The following EGFL7 variants were observed in gnomAD, a reference collection of about 807,000 sequenced individuals.
EGFL7 encodes the protein EGF like domain multiple 7, also known as epidermal growth factor-like protein 7.
EGFL7 carries 48 observed loss-of-function variants against 37.1 expected under a neutral mutation model. The ratio of observed to expected loss-of-function variants is 1.29; its 90% CI spans 1.03 to 1.65. The LOEUF (loss-of-function observed/expected upper bound fraction) is 1.65, where lower values mean the gene tolerates loss of function less well. Among genes scored for constraint, EGFL7 ranks in the 40% most tolerant of loss-of-function variants. The pLI, the probability that EGFL7 is intolerant of heterozygous loss-of-function variation, is 0.00. For synonymous variants in EGFL7, 180 were observed against 156.8 expected, an observed-to-expected ratio of 1.15 and a Z score of -1.10; for missense variants, 384 against 378.9, an observed-to-expected ratio of 1.01 and a Z score of -0.11.
chr9:136,670,601 C>T, intron 8 of EGFL7: 1 of 775,400 alleles, frequency 1.3e-6, no homozygotes, highest in Non-Finnish European at 2.4e-6. Flanking sequence ...CGCCACGCCT[C>T]CGCTGGCGAC....
chr9:136,667,982 T>A (rs944999009), intron 3 of EGFL7, among the ~76,000 whole-genome samples: 4 of 152,136 alleles, frequency 2.6e-5, no homozygotes, highest in African/African-American at 9.7e-5. Flanking sequence ...ATCCACTCGA[T>A]TCCTGCACCA....
intron 3 of EGFL7, chr9:136,665,641 C>A (rs1845411223): frequency 1.3e-5 from 2 of 151,638 alleles, no homozygotes; most frequent in Admixed American, 6.6e-5. Context: ...AGAGTCACTG[C>A]CCGCCCGGGG....
At chr9:136,663,934 C>T (rs566060267) in intron 2 of EGFL7, among the ~76,000 whole-genome samples, 2 of 152,362 alleles carry the variant, frequency 1.3e-5, no homozygotes, top group East Asian at 1.9e-4. Flanking sequence ...TCTGCTCCAT[C>T]GCCTCTTCCA....
intron 5 of EGFL7, among the ~76,000 whole-genome samples, chr9:136,669,190 C>G (rs1308614560): frequency 6.6e-6 from 1 of 152,234 alleles, no homozygotes; most frequent in Non-Finnish European, 1.5e-5. Context: ...AGCTCCACCC[C>G]CTGCTGGGGG....
At chr9:136,667,360 A>G (rs1280535470) in intron 3 of EGFL7, among the ~76,000 whole-genome samples, 3 of 152,140 alleles carry the variant, frequency 2.0e-5, no homozygotes, top group Non-Finnish European at 2.9e-5. Flanking sequence ...CCTGGGTGGG[A>G]CCCTGCAGCA....
chr9:136,670,443 C>A, intron 8 of EGFL7, 113 bp downstream of exon 8: 1 of 1,301,902 alleles, frequency 7.7e-7, no homozygotes, highest in Non-Finnish European at 1.1e-6. Context: ...GCGGTGGGGA[C>A]TCCCTCTCCA....
chr9:136,668,655 G>T lies in EGFL7; in HGVS notation c.179G>T (p.Arg60Leu). 2 of 1,603,288 alleles carry T rather than the reference G, an allele frequency of 1.2e-6. No individual in the cohort carries two copies. Reference sequence around the variant, plus strand: ...TTCCTCACCACCTGCGACGGGCACCGGGCCTGCAGCACCTACCGGTGAGTG... The same window carrying T: ...TTCCTCACCACCTGCGACGGGCACCTGGCCTGCAGCACCTACCGGTGAGTG... ...QPFLTTCDGH[R>L]ACSTYRTIYR... The change falls in exon 5 of 11, where the codon CGG becomes CTG. Residue 60 changes from arginine to leucine, a missense_variant. Physicochemically the swap from Arg to Leu is moderately radical, Grantham distance 102. Coordinates refer to ENST00000308874, the MANE Select transcript of EGFL7 (RefSeq NM_016215.5).
At chr9:136,669,810 C>G (rs549294921) in intron 6 of EGFL7, 89 bp downstream of exon 6, 1 of 1,443,294 alleles carries the variant, frequency 6.9e-7, no homozygotes, top group East Asian at 2.5e-5. Flanking sequence ...TCTTGAACCC[C>G]GAGCAAAGCA....
At chr9:136,665,912 G>A (rs943008218) in intron 3 of EGFL7, 1 of 145,924 alleles carries the variant, frequency 6.9e-6, no homozygotes, top group Non-Finnish European at 1.5e-5. Context: ...CGGGGGCGGG[G>A]AACCTGGCCG....
At chr9:136,659,950 G>A (rs753580689), upstream of EGFL7, among the ~76,000 whole-genome samples, 30 of 152,158 alleles carry the variant, frequency 2.0e-4, no homozygotes, top group Non-Finnish European at 3.1e-4. Context: ...GAGGCCAGGC[G>A]TGGGGCCCGG....
chr9:136,662,485 GCTCCCGTGCTGTGTCAC>G (rs1431963687), upstream of EGFL7, among the ~76,000 whole-genome samples: 367 of 152,294 alleles, frequency 2.4e-3, 1 homozygote, highest in African/African-American at 8.5e-3. Context: ...GCCCCTCCAA[GCTCCCGTGCTGTGTCAC>G]ACACATCTGG....
chr9:136,665,267 G>A (rs1845386816), intron 3 of EGFL7, among the ~76,000 whole-genome samples: 1 of 152,226 alleles, frequency 6.6e-6, no homozygotes, highest in Admixed American at 6.5e-5. Flanking sequence ...GGTCTCAGAG[G>A]AGATCTGGGT....
At chr9:136,667,413 G>A (rs911779474) in intron 3 of EGFL7, among the ~76,000 whole-genome samples, 1 of 152,214 alleles carries the variant, frequency 6.6e-6, no homozygotes, top group African/African-American at 2.4e-5. Context: ...GCTGCGCATA[G>A]GACAGAATCC....
In EGFL7 at chr9:136,668,354, C is replaced by T; in HGVS notation, c.72C>T (p.Tyr24=). The T allele has an allele frequency of 1.9e-6, 3 of 1,599,530 alleles. No homozygotes were observed. The highest frequency in any genetic ancestry group is 2.6e-6 in the Non-Finnish European group (3 of 1,172,858). ...CAGTGGGCGGCACAGAGCACGCCTA[C>T]CGGCCCGGGTGAGCCAAGCCCTAGC... ...VLAVGGTEHA[Y]RPGRRVCAVR... is the part of the protein sequence containing the mutation. Residue 24 remains tyrosine, a synonymous_variant, in exon 4 of 11, where the codon TAC becomes TAT. Transcript: ENST00000308874.
chr9:136,665,731 GGGGGC>G (rs1409233049), intron 3 of EGFL7: 10 of 145,654 alleles, frequency 6.9e-5, no homozygotes, highest in Admixed American at 1.4e-4. Context: ...GGGCGGGGCC[GGGGGC>G]GGGGCGGGGC....
intron 8 of EGFL7, 175 bp from the exon 9 acceptor site, chr9:136,670,775 A>G: frequency 1.4e-6 from 1 of 733,136 alleles, no homozygotes; most frequent in Non-Finnish European, 2.5e-6. Context: ...ACCCGCCCCG[A>G]CGTACTTAGG....
At chr9:136,661,881 A>C (rs1318060725), upstream of EGFL7, among the ~76,000 whole-genome samples, 1 of 152,200 alleles carries the variant, frequency 6.6e-6, no homozygotes, top group Admixed American at 6.5e-5. Flanking sequence ...CATCAGGCCG[A>C]CAGGGGCTGA....
chr9:136,665,965 G>C (rs1450186964), intron 3 of EGFL7: 2 of 145,876 alleles, frequency 1.4e-5, no homozygotes, highest in Non-Finnish European at 3.1e-5. Context: ...CAGCGCGACC[G>C]CTGGGGCCGG....
upstream of EGFL7, chr9:136,660,465 G>A (rs1845074772): frequency 6.6e-6 from 1 of 152,412 alleles, no homozygotes; most frequent in African/African-American, 2.4e-5. Context: ...CCTGGGGAGG[G>A]GCTGGGGGCA....
Sources: allele counts gnomAD v4.1 joint callset (sites outside exome capture counted in the v4.1 genomes callset), GRCh38; gene constraint gnomAD v4.1.1; transcripts MANE v1.5; gene names NCBI Gene and HGNC (gene_info 2026-07-23, HGNC 2026-07-21).